Variants in CNTNAP2 observed in about 807,000 individuals in gnomAD.
CNTNAP2 encodes contactin associated protein 2, also known as contactin-associated protein-like 2.
CNTNAP2 carries 98 observed loss-of-function variants against 155.2 expected under a neutral mutation model. That is an observed-to-expected ratio of 0.63 (90% CI 0.54 to 0.75). The LOEUF is 0.75. CNTNAP2 is among the 30% of genes least tolerant of loss of function. CNTNAP2 has a pLI of 0.00. For synonymous variants in CNTNAP2, 651 were observed against 631.2 expected, an observed-to-expected ratio of 1.03 and a Z score of -0.47; for missense variants, 1,727 against 1,688.1, an observed-to-expected ratio of 1.02 and a Z score of -0.40.
chr7:147,876,701 C>T (rs1563120722), intron 13 of CNTNAP2, among the ~76,000 whole-genome samples: 1 of 152,034 alleles, frequency 6.6e-6, no homozygotes, highest in African/African-American at 2.4e-5. Flanking sequence ...ATCTCTGGCT[C>T]ATCATAAGGT....
intron 13 of CNTNAP2, among the ~76,000 whole-genome samples, chr7:147,824,777 G>C (rs908026700): frequency 6.6e-6 from 1 of 151,934 alleles, no homozygotes; most frequent in African/African-American, 2.4e-5. Flanking sequence ...TATTTAAGAA[G>C]TAAGAGAAGT....
intron 1 of CNTNAP2, among the ~76,000 whole-genome samples, chr7:146,245,584 A>T (rs2116933851): frequency 6.6e-6 from 1 of 152,186 alleles, no homozygotes; most frequent in African/African-American, 2.4e-5. Context: ...AACCATGCCT[A>T]GGAAGGAAAG....
At chr7:147,867,837 T>C (rs1799260540) in intron 13 of CNTNAP2, among the ~76,000 whole-genome samples, 1 of 152,180 alleles carries the variant, frequency 6.6e-6, no homozygotes, top group African/African-American at 2.4e-5. Context: ...TTTATTATAG[T>C]TAGCCATTCG....
At chr7:148,178,071 AGAATATATGATAG>A (rs1794978867) in intron 18 of CNTNAP2, among the ~76,000 whole-genome samples, 1 of 152,324 alleles carries the variant, frequency 6.6e-6, no homozygotes. Flanking sequence ...AGGCAAGTCT[AGAATATATGATAG>A]GAATACATGT....
intron 1 of CNTNAP2, among the ~76,000 whole-genome samples, chr7:146,767,632 A>T (rs890799243): frequency 3.3e-5 from 5 of 152,316 alleles, no homozygotes; most frequent in Admixed American, 2.6e-4. Flanking sequence ...AACCATAAAA[A>T]TGGGAGGAAA....
At chr7:148,358,654 T>A (rs994593895) in intron 21 of CNTNAP2, among the ~76,000 whole-genome samples, 1 of 152,156 alleles carries the variant, frequency 6.6e-6, no homozygotes. Context: ...CATCTGTTAT[T>A]CAGCCTTTAG....
chr7:147,250,716 G>A (rs1471007654), intron 8 of CNTNAP2, among the ~76,000 whole-genome samples: 2 of 152,088 alleles, frequency 1.3e-5, no homozygotes, highest in African/African-American at 4.8e-5. Flanking sequence ...ACATCTGGGT[G>A]TTTCACAATG....
At position 147,833,730 on chromosome 7, in the gene CNTNAP2, A is replaced by G. The variant is rs139256717; in HGVS notation, c.2099-69835A>G. On this transcript the variant is annotated intron_variant, in intron 13 of 23. Transcript: ENST00000361727. ...CTGCCCCAATACACACTTCTCTGCC[A>G]TCCAAATCTCCCACAGGAGTTTCTT... Among the ~76,000 whole-genome samples, 639 of 152,332 alleles carry G rather than the reference A, an allele frequency of 4.2e-3. 6 individuals carry two copies. Among genetic ancestry groups the G allele is most frequent in the African/African-American group, 0.015 (613 of 41,576 alleles).
intron 11 of CNTNAP2, among the ~76,000 whole-genome samples, chr7:147,553,377 CCTT>C (rs745730140): frequency 6.6e-6 from 1 of 152,098 alleles, no homozygotes; most frequent in Non-Finnish European, 1.5e-5. Context: ...TAAGGAAAGT[CCTT>C]CTCTTGTCTT....
chr7:146,133,368 G>A (rs1045490748), intron 1 of CNTNAP2, among the ~76,000 whole-genome samples: 1 of 152,014 alleles, frequency 6.6e-6, no homozygotes, highest in East Asian at 1.9e-4. Context: ...TAGGTTGCCT[G>A]TTCACTCTGA....
intron 3 of CNTNAP2, among the ~76,000 whole-genome samples, chr7:146,985,982 G>C (rs377448418): frequency 2.0e-5 from 3 of 151,980 alleles, no homozygotes; most frequent in African/African-American, 7.2e-5. Flanking sequence ...TAACACTTTA[G>C]GTTGCAATTT....
intron 15 of CNTNAP2, among the ~76,000 whole-genome samples, chr7:148,096,278 CA>C (rs1803967896): frequency 8.4e-6 from 1 of 119,170 alleles, no homozygotes; most frequent in Non-Finnish European, 1.7e-5. Context: ...TGCATGCATG[CA>C]TGTGTGTGTG....
chr7:147,727,076 T>C (rs1317810380), intron 13 of CNTNAP2, among the ~76,000 whole-genome samples: 1 of 151,970 alleles, frequency 6.6e-6, no homozygotes, highest in Non-Finnish European at 1.5e-5. Context: ...ATTAATTATG[T>C]GCAGTTTTTA....
chr7:147,959,449 A>C (rs750688363), intron 14 of CNTNAP2, among the ~76,000 whole-genome samples: 20 of 152,152 alleles, frequency 1.3e-4, no homozygotes, highest in Non-Finnish European at 2.6e-4. Flanking sequence ...CTCCCAGGAA[A>C]GAATTTAAGG....
At chr7:146,808,041 A>T (rs1802998714) in intron 2 of CNTNAP2, among the ~76,000 whole-genome samples, 1 of 152,178 alleles carries the variant, frequency 6.6e-6, no homozygotes, top group Admixed American at 6.5e-5. Context: ...AATTATTGAT[A>T]GGATGTTTCT....
intron 15 of CNTNAP2, among the ~76,000 whole-genome samples, chr7:148,023,574 A>G (rs1802322071): frequency 6.6e-6 from 1 of 152,076 alleles, no homozygotes; most frequent in African/African-American, 2.4e-5. Context: ...ATCAGGGGAG[A>G]TGAGGCAATA....
intron 1 of CNTNAP2, among the ~76,000 whole-genome samples, chr7:146,230,271 A>G (rs1584814242): frequency 6.6e-6 from 1 of 152,180 alleles, no homozygotes; most frequent in East Asian, 1.9e-4. Context: ...GGAAGTGTCA[A>G]AAGAATTCTG....
At chr7:147,040,975 T>A (rs10282158) in intron 3 of CNTNAP2, among the ~76,000 whole-genome samples, 24,379 of 152,104 alleles carry the variant, frequency 0.16, 3,308 homozygotes, top group African/African-American at 0.36. Flanking sequence ...TCTTTTGAAA[T>A]ATCAAATCTG....
At chr7:147,217,955 T>C (rs192052712) in intron 8 of CNTNAP2, among the ~76,000 whole-genome samples, 1 of 152,124 alleles carries the variant, frequency 6.6e-6, no homozygotes, top group Non-Finnish European at 1.5e-5. Flanking sequence ...ATATTCGTTA[T>C]CTTTTAAATG....
Sources: allele counts gnomAD v4.1 joint callset (sites outside exome capture counted in the v4.1 genomes callset), GRCh38; gene constraint gnomAD v4.1.1; transcripts MANE v1.5; gene names NCBI Gene and HGNC (gene_info 2026-07-23, HGNC 2026-07-21).